TPCN2: variants seen among roughly 807,000 people sequenced by gnomAD.
TPCN2 encodes two pore channel protein 2.
In TPCN2, 92 loss-of-function variants were observed where a neutral mutation model predicts 111.4. That is an observed-to-expected ratio of 0.83 (90% CI 0.70 to 0.98). TPCN2 has a LOEUF of 0.98. TPCN2 is among the 50% of genes least tolerant of loss of function. TPCN2 has a pLI of 0.00. For synonymous variants in TPCN2, 405 were observed against 414.5 expected (o/e 0.98, Z 0.28); for missense variants, 995 against 980.1 (o/e 1.02, Z -0.20).
At chr11:69,050,526 C>T (rs914936480) in intron 1 of TPCN2, among the ~76,000 whole-genome samples, 1 of 152,164 alleles carries the variant, frequency 6.6e-6, no homozygotes, top group Non-Finnish European at 1.5e-5. Flanking sequence ...TGCAGGCGCC[C>T]GCCACCACAC....
intron 13 of TPCN2, among the ~76,000 whole-genome samples, chr11:69,076,922 C>T (rs1432668928): frequency 1.7e-5 from 2 of 118,182 alleles, no homozygotes; most frequent in African/African-American, 3.7e-5. Flanking sequence ...ACTTGCCCTC[C>T]TGCCATGCCC....
At chr11:69,070,887 CA>C (rs1414946632) in intron 9 of TPCN2, among the ~76,000 whole-genome samples, 1 of 143,282 alleles carries the variant, frequency 7.0e-6, no homozygotes, top group Non-Finnish European at 1.5e-5. Flanking sequence ...GATCCCCCAC[CA>C]ACAGCTTCAC....
At chr11:69,085,628 C>T (rs1856239678) in intron 20 of TPCN2, 43 bp from the exon 21 acceptor site, 1 of 1,340,502 alleles carries the variant, frequency 7.5e-7, no homozygotes, top group Non-Finnish European at 1.1e-6. Context: ...GGCCTCAGAA[C>T]CTGGAGCCCC....
intron 8 of TPCN2, among the ~76,000 whole-genome samples, chr11:69,068,296 G>T (rs992706871): frequency 4.0e-5 from 6 of 150,192 alleles, no homozygotes; most frequent in African/African-American, 9.8e-5. Flanking sequence ...CCTAGGAAGT[G>T]ACCGCACTGG....
Position 69,078,735 on chromosome 11 carries a change from T to C in TPCN2, c.1352T>C (p.Val451Ala). 1 of 1,613,852 alleles carries C rather than the reference T, an allele frequency of 6.2e-7. No individual in the cohort carries two copies. The highest frequency in any genetic ancestry group is 8.5e-7 in the Non-Finnish European group (1 of 1,180,010). The change falls in exon 15 of 25, where the codon GTG becomes GCG. Residue 451 changes from valine (V) to alanine (A), a missense_variant and splice_region_variant. Physicochemically the swap from Val to Ala is moderately conservative, Grantham distance 64. Coordinates refer to ENST00000294309, the MANE Select transcript of TPCN2 (RefSeq NM_139075.4). ...IALANLVSICVFLVLDADVLP... is the reference protein window; with the variant it reads ...IALANLVSICAFLVLDADVLP... ...GAGCCCTCTGTTCTGGCGTTGCAGG[T>C]GTTCCTGGTGCTGGATGCAGATGTG...
In TPCN2 at chr11:69,072,001, G is replaced by A. The variant is rs762016553; in HGVS notation, c.1039G>A (p.Glu347Lys). The change falls in exon 11 of 25, where the codon GAG (glutamate) becomes AAG (lysine). Residue 347 changes from glutamate to lysine, a missense_variant. By Grantham distance (56) the Glu-to-Lys change is moderately conservative (BLOSUM62 1). Transcript: ENST00000294309. ...TGAAGTCCTATCCTCCATGGTGGGG[G>A]AGGGAGGAGCCTTCCCTCAGGCGTG... ...AFEVLSSMVG[E>K]GGAFPQAVGV... 1 of 1,613,834 alleles carries A rather than the reference G, an allele frequency of 6.2e-7. No individual in the cohort carries two copies. Among genetic ancestry groups the A allele is most frequent in the Non-Finnish European group, 8.5e-7 (1 of 1,179,900 alleles).
At chr11:69,085,780 C>T in intron 21 of TPCN2, 28 bp downstream of exon 21, 2 of 1,593,504 alleles carry the variant, frequency 1.3e-6, no homozygotes, top group Non-Finnish European at 1.7e-6. Flanking sequence ...TCCCAGCACC[C>T]TGCTCCCCGG....
At chr11:69,057,081 G>C (rs183457875) in intron 4 of TPCN2, among the ~76,000 whole-genome samples, 3 of 152,048 alleles carry the variant, frequency 2.0e-5, no homozygotes, top group Non-Finnish European at 4.4e-5. Flanking sequence ...TGAGTGATCC[G>C]CCCACCTCGG....
At position 69,057,695 on chromosome 11, in the gene TPCN2, G is replaced by A. The variant is rs1854835765; in HGVS notation, c.546+1G>A. ...GTCCCTGAGTCTCGTGTGTCATGAG[G>A]TAGGTGGTGAGGCAGCCCTGAGACA... On this transcript the variant is annotated splice_donor_variant, in intron 5 of 24. Coordinates refer to ENST00000294309, the MANE Select transcript of TPCN2 (RefSeq NM_139075.4). LOFTEE classifies it high-confidence loss of function. 1.2e-6 allele frequency: 2 copies of A among 1,613,760 alleles called. No homozygotes were observed. Among genetic ancestry groups the A allele is most frequent in the African/African-American group, 1.3e-5 (1 of 75,048 alleles).
In TPCN2 at chr11:69,085,921, A is replaced by T. The variant is rs147476406; in HGVS notation, c.1994A>T (p.Tyr665Phe). ...WQVFLDAYRR[Y>F]SGPWSKIYFV... is the part of the protein sequence containing the mutation. Reference sequence around the variant, plus strand: ...GTGTTTCTGGATGCATATCGGCGCTACTCAGGCCCGTGAGTCCTCGTCTCC... The same window carrying T: ...GTGTTTCTGGATGCATATCGGCGCTTCTCAGGCCCGTGAGTCCTCGTCTCC... The change falls in exon 22 of 25, where the codon TAC becomes TTC. Residue 665 changes from tyrosine to phenylalanine, a missense_variant. Physicochemically the swap from Tyr to Phe is conservative, Grantham distance 22 (BLOSUM62 3). Coordinates refer to ENST00000294309, the MANE Select transcript of TPCN2 (RefSeq NM_139075.4). 1 of 1,613,910 alleles carries T rather than the reference A, an allele frequency of 6.2e-7. No homozygotes were observed. The highest frequency in any genetic ancestry group is 8.5e-7 in the Non-Finnish European group (1 of 1,179,910).
chr11:69,079,795 G>T, intron 16 of TPCN2, 39 bp from the exon 17 acceptor site: 2 of 1,599,580 alleles, frequency 1.3e-6, no homozygotes, highest in Non-Finnish European at 1.7e-6. Context: ...CCAGATTAGT[G>T]TTGCTGTAGC....
rs1229493259 is a variant in TPCN2, at chr11:69,088,194, A to G, written c.*241A>G. The G allele has an allele frequency of 3.8e-6, 2 of 530,796 alleles. No individual in the cohort carries two copies. The highest frequency in any genetic ancestry group is 3.4e-6 in the Non-Finnish European group (1 of 297,004). The allele number at this position is 530,796 out of a possible 1,614,324, so 32.9% of individuals were successfully genotyped here. On this transcript the variant is annotated 3_prime_UTR_variant, in exon 25 of 25. Transcript: ENST00000294309. ...CTCCGCTTTCTTTTATAGCTGCTTCAGTGAGAATTCCCTCGTCGACTCCAC... is the reference window on the plus strand; with the variant it reads ...CTCCGCTTTCTTTTATAGCTGCTTCGGTGAGAATTCCCTCGTCGACTCCAC...
chr11:69,064,452 C>T (rs10750838), intron 7 of TPCN2, among the ~76,000 whole-genome samples: 68,299 of 151,966 alleles, frequency 0.45, 15,835 homozygotes, highest in Non-Finnish European at 0.52. Context: ...TGGGAGGGCC[C>T]TCACCTCCCA....
At chr11:69,054,260 G>A in intron 2 of TPCN2, 163 bp downstream of exon 2, 3 of 624,640 alleles carry the variant, frequency 4.8e-6, no homozygotes, top group Non-Finnish European at 8.5e-6. Context: ...GTCAGTCCCC[G>A]GAGGACTTGT....
rs373397028 is a variant in TPCN2 at position 69,079,814 on chromosome 11, C to T, written c.1540-20C>T. The T allele has an allele frequency of 4.3e-6, 7 of 1,612,884 alleles. No homozygotes were observed. Among genetic ancestry groups the T allele is most frequent in the Non-Finnish European group, 5.9e-6 (7 of 1,179,410 alleles). ...ATTAGTGTTGCTGTAGCGAAGCCTT[C>T]TTTTCTTTTGTAATTAAAGGTTTTG... On this transcript the variant is annotated intron_variant, in intron 16 of 24. Coordinates refer to ENST00000294309, the MANE Select transcript of TPCN2 (RefSeq NM_139075.4).
chr11:69,064,813 G>A (rs1855191714), intron 7 of TPCN2, among the ~76,000 whole-genome samples: 1 of 152,214 alleles, frequency 6.6e-6, no homozygotes, highest in South Asian at 2.1e-4. Context: ...ATGTGTGTGT[G>A]GAGTCTGCAT....
Position 69,070,451 on chromosome 11 carries a change from A to C in TPCN2, c.851A>C (p.Lys284Thr), listed in dbSNP as rs1855472249. The change falls in exon 9 of 25, where the codon AAG (lysine) becomes ACG (threonine). Residue 284 changes from lysine (K) to threonine (T), a missense_variant. Transcript: ENST00000294309. ...TTAGTGATGATTCCTGCGTATTCCA[A>C]GAACCGGGCCTATGCCATCTTCTTC... ...NPDVMIPAYS[K>T]NRAYAIFFIV... 3 of 1,612,794 alleles carry C rather than the reference A, an allele frequency of 1.9e-6. No individual in the cohort carries two copies. In the African/African-American group the frequency reaches 4.0e-5, roughly 22 times the overall value.
intron 2 of TPCN2, 34 bp downstream of exon 2, chr11:69,054,131 G>A: frequency 6.3e-7 from 1 of 1,589,468 alleles, no homozygotes; most frequent in Non-Finnish European, 8.6e-7. Flanking sequence ...GCCGGGCCTG[G>A]GGGGTGGCCG....
At chr11:69,060,930 C>G (rs993923979) in intron 5 of TPCN2, among the ~76,000 whole-genome samples, 1 of 152,246 alleles carries the variant, frequency 6.6e-6, no homozygotes, top group Non-Finnish European at 1.5e-5. Context: ...CACCACTGTT[C>G]TCTTGGCCTT....
Sources: gnomAD v4.1 joint callset for allele counts (sites outside exome capture counted in the v4.1 genomes callset) on GRCh38, gnomAD v4.1.1 for gene constraint, MANE v1.5 for transcripts, NCBI Gene and HGNC (gene_info 2026-07-23, HGNC 2026-07-21) for gene names.